The following FRMD5 variants were observed in gnomAD, a reference collection of about 807,000 sequenced individuals.
FRMD5 encodes FERM domain-containing protein 5.
FRMD5 carries 20 observed loss-of-function variants against 69.0 expected under a neutral mutation model. The observed-to-expected ratio is 0.29, with a 90% CI of 0.20 to 0.42. The LOEUF is 0.42. Among genes scored for constraint, FRMD5 ranks in the 10% least tolerant of loss-of-function variants. The probability of loss-of-function intolerance (pLI) is 1.00; values close to 1 mark genes in which losing one functional copy is unlikely to be tolerated. For missense variants in FRMD5, 595 were observed against 708.6 expected (o/e 0.84, Z 1.82); for synonymous variants, 271 against 260.1 (o/e 1.04, Z -0.40).
chr15:43,991,772 T>G lies in FRMD5; in HGVS notation c.103-67463A>C, dbSNP rs1889690777. Among the ~76,000 whole-genome samples the G allele has an allele frequency of 2.6e-5, 4 of 152,236 alleles. No homozygotes were observed. In the South Asian group the frequency reaches 8.3e-4, roughly 31 times the overall value. On this transcript the variant is annotated intron_variant, in intron 1 of 13. Transcript: ENST00000417257. ...CAGGGCACTGATGTGTTCTCCATTC[T>G]CCTGTTTTCTCAACTCCATTTACGT... is the stretch of plus-strand genomic sequence containing the variant.
At chr15:44,082,714 T>C (rs1331439458) in intron 1 of FRMD5, among the ~76,000 whole-genome samples, 1 of 151,958 alleles carries the variant, frequency 6.6e-6, no homozygotes, top group African/African-American at 2.4e-5. Context: ...AAGGAATACA[T>C]ACATTTCAAT....
At chr15:43,937,058 G>C (rs2089773149) in intron 1 of FRMD5, among the ~76,000 whole-genome samples, 1 of 152,144 alleles carries the variant, frequency 6.6e-6, no homozygotes, top group African/African-American at 2.4e-5. Flanking sequence ...CATGCTCTTG[G>C]GGTCATGTGG....
At chr15:44,153,017 C>G (rs568223383) in intron 1 of FRMD5, among the ~76,000 whole-genome samples, 68 of 152,196 alleles carry the variant, frequency 4.5e-4, no homozygotes, top group Non-Finnish European at 9.1e-4. Context: ...CAATGAGATA[C>G]CTCCTCACAT....
chr15:44,006,738 T>C (rs1417957485), intron 1 of FRMD5, among the ~76,000 whole-genome samples: 2 of 152,178 alleles, frequency 1.3e-5, no homozygotes, highest in Admixed American at 1.3e-4. Context: ...AAGTTGAACC[T>C]GAAGATGTGA....
chr15:43,969,705 T>G (rs914726184), intron 1 of FRMD5, among the ~76,000 whole-genome samples: 3 of 152,230 alleles, frequency 2.0e-5, no homozygotes, highest in Admixed American at 6.5e-5. Flanking sequence ...CTGAGAGGAC[T>G]GTACATTTCC....
intron 1 of FRMD5, among the ~76,000 whole-genome samples, chr15:44,092,338 G>C (rs1385387591): frequency 6.6e-6 from 1 of 152,130 alleles, no homozygotes; most frequent in Non-Finnish European, 1.5e-5. Context: ...ACAGCTCCCA[G>C]TCTTCCCCTA....
At chr15:43,881,743 C>T (rs2088535814) in intron 13 of FRMD5, among the ~76,000 whole-genome samples, 1 of 152,164 alleles carries the variant, frequency 6.6e-6, no homozygotes. Flanking sequence ...AATGAAGATA[C>T]TCAAGTAACT....
chr15:44,111,903 T>C (rs1399755004), intron 1 of FRMD5, among the ~76,000 whole-genome samples: 1 of 151,930 alleles, frequency 6.6e-6, no homozygotes, highest in East Asian at 1.9e-4. Flanking sequence ...CAGGCTGGAA[T>C]GCAGCGGCAC....
intron 1 of FRMD5, among the ~76,000 whole-genome samples, chr15:44,038,684 T>C (rs1892038795): frequency 6.6e-6 from 1 of 151,954 alleles, no homozygotes; most frequent in African/African-American, 2.4e-5. Flanking sequence ...GGTTGGACAG[T>C]GGGTGCAGCC....
chr15:43,962,596 A>G (rs2090220787), intron 1 of FRMD5, among the ~76,000 whole-genome samples: 1 of 152,232 alleles, frequency 6.6e-6, no homozygotes. Flanking sequence ...CCGCATTGCC[A>G]AGTCAATCCT....
Position 43,874,263 on chromosome 15 carries a change from A to G in FRMD5, c.1335T>C (p.Leu445=). 6.2e-7 allele frequency: 1 copy of G among 1,614,218 alleles called. No homozygotes were observed. The highest frequency in any genetic ancestry group is 8.5e-7 in the Non-Finnish European group (1 of 1,180,046). The change falls in exon 14 of 14, where the codon CTT becomes CTC. Residue 445 remains leucine (L), a synonymous_variant. Coordinates refer to ENST00000417257, the MANE Select transcript of FRMD5 (RefSeq NM_032892.5). ...AGGTGGCTCCATTGATCTGCCGGGAAAGCAACATCAGCTCCAGGCTGTGCT... is the reference window on the plus strand; with the variant it reads ...AGGTGGCTCCATTGATCTGCCGGGAGAGCAACATCAGCTCCAGGCTGTGCT... ...VAEHSLELML[L]SRQINGATCS...
chr15:43,986,770 A>G (rs1055391152), intron 1 of FRMD5, among the ~76,000 whole-genome samples: 5 of 150,330 alleles, frequency 3.3e-5, no homozygotes, highest in African/African-American at 7.4e-5. Context: ...GCTTCACTTC[A>G]TTGTGCTTTG....
chr15:44,035,246 C>T (rs1375920287), intron 1 of FRMD5, among the ~76,000 whole-genome samples: 3 of 152,138 alleles, frequency 2.0e-5, no homozygotes, highest in Non-Finnish European at 4.4e-5. Context: ...TTTTTCTTGT[C>T]TTGCCATGCC....
intron 1 of FRMD5, among the ~76,000 whole-genome samples, chr15:44,066,342 T>C (rs1185513227): frequency 1.3e-5 from 2 of 152,192 alleles, no homozygotes; most frequent in Non-Finnish European, 2.9e-5. Context: ...TTTCAAAAGC[T>C]ATAATACGAG....
chr15:44,112,110 T>C (rs938719684), intron 1 of FRMD5, among the ~76,000 whole-genome samples: 1 of 152,202 alleles, frequency 6.6e-6, no homozygotes, highest in Non-Finnish European at 1.5e-5. Flanking sequence ...CCCAAAGTGC[T>C]GATATTACAG....
At chr15:44,000,091 A>G (rs1481224656) in intron 1 of FRMD5, among the ~76,000 whole-genome samples, 2 of 150,822 alleles carry the variant, frequency 1.3e-5, no homozygotes, top group Non-Finnish European at 3.0e-5. Context: ...CCTTGGGCTC[A>G]AGCCATGCTT....
intron 1 of FRMD5, among the ~76,000 whole-genome samples, chr15:44,177,120 T>C (rs1408766394): frequency 6.6e-6 from 1 of 152,142 alleles, no homozygotes; most frequent in African/African-American, 2.4e-5. Flanking sequence ...TGCTGGCTCG[T>C]GTGGTAACAA....
intron 1 of FRMD5, among the ~76,000 whole-genome samples, chr15:44,150,251 A>G (rs1566972070): frequency 6.6e-6 from 1 of 152,204 alleles, no homozygotes; most frequent in Non-Finnish European, 1.5e-5. Flanking sequence ...GGAACAAGGC[A>G]AGGATGCCTA....
intron 4 of FRMD5, among the ~76,000 whole-genome samples, chr15:43,910,757 C>G (rs537557641): frequency 6.6e-6 from 1 of 152,244 alleles, no homozygotes; most frequent in South Asian, 2.1e-4. Context: ...TTACGATCTG[C>G]CAGTCCAGGT....
Sources: gnomAD v4.1 joint callset for allele counts (sites outside exome capture counted in the v4.1 genomes callset) on GRCh38, gnomAD v4.1.1 for gene constraint, MANE v1.5 for transcripts, NCBI Gene and HGNC (gene_info 2026-07-23, HGNC 2026-07-21) for gene names.